The following OSBPL8 variants were observed in gnomAD, a reference collection of about 807,000 sequenced individuals.
OSBPL8 encodes the protein oxysterol-binding protein-related protein 8.
Under a neutral mutation model 125.5 loss-of-function variants are expected in OSBPL8, and 59 were observed. The observed-to-expected ratio is 0.47, with a 90% CI of 0.38 to 0.58. The LOEUF is 0.58. Ranked by LOEUF, OSBPL8 falls within the 20% of genes least tolerant of loss-of-function variation. OSBPL8 has a pLI of 0.00. For synonymous variants in OSBPL8, 330 were observed against 338.9 expected (o/e 0.97, Z 0.29); for missense variants, 758 against 1,047.8 (o/e 0.72, Z 3.82).
At chr12:76,362,896 C>T in intron 21 of OSBPL8, among the ~76,000 whole-genome samples, 1 of 152,104 alleles carries the variant, frequency 6.6e-6, no homozygotes, top group East Asian at 1.9e-4. Flanking sequence ...CAATAATAGA[C>T]AGAGAGCCAA....
At chr12:76,454,683 C>T (rs1423742082) in intron 3 of OSBPL8, among the ~76,000 whole-genome samples, 2 of 149,940 alleles carry the variant, frequency 1.3e-5, no homozygotes, top group Non-Finnish European at 3.0e-5. Context: ...AACACCAATG[C>T]ACCCTAGTGT....
intron 4 of OSBPL8, among the ~76,000 whole-genome samples, chr12:76,421,292 G>A (rs989017357): frequency 4.0e-5 from 6 of 151,846 alleles, no homozygotes; most frequent in Non-Finnish European, 8.8e-5. Context: ...AATGACAAAC[G>A]ACTAAAATTT....
chr12:76,496,861 T>C (rs953353538), intron 1 of OSBPL8, among the ~76,000 whole-genome samples: 5 of 152,202 alleles, frequency 3.3e-5, no homozygotes, highest in Middle Eastern at 3.4e-3. Context: ...ATTTTTAACT[T>C]GTGTAGAGAT....
chr12:76,484,667 T>C (rs1220459516), intron 2 of OSBPL8, among the ~76,000 whole-genome samples: 1 of 152,176 alleles, frequency 6.6e-6, no homozygotes. Flanking sequence ...TTTTAACATG[T>C]AGCTAAATGT....
intron 2 of OSBPL8, among the ~76,000 whole-genome samples, chr12:76,461,520 G>A (rs999903407): frequency 2.6e-5 from 4 of 151,366 alleles, no homozygotes; most frequent in African/African-American, 2.4e-5. Context: ...GTGTGATCTC[G>A]GCTCACTGCA....
At chr12:76,368,532 C>T (rs1333326157) in intron 21 of OSBPL8, among the ~76,000 whole-genome samples, 1 of 152,076 alleles carries the variant, frequency 6.6e-6, no homozygotes, top group Non-Finnish European at 1.5e-5. Context: ...GCAATGATAA[C>T]CCACTTGATG....
At chr12:76,501,387 G>T (rs1279595505) in intron 1 of OSBPL8, among the ~76,000 whole-genome samples, 1 of 152,150 alleles carries the variant, frequency 6.6e-6, no homozygotes, top group African/African-American at 2.4e-5. Context: ...AAAATAGAAG[G>T]GAGAGGGGAG....
chr12:76,402,390 A>T (rs964205490), intron 6 of OSBPL8, among the ~76,000 whole-genome samples: 1 of 152,222 alleles, frequency 6.6e-6, no homozygotes, highest in African/African-American at 2.4e-5. Flanking sequence ...GTTCCACAAC[A>T]TAGTGATAAT....
At chr12:76,510,367 A>C (rs1880849330) in intron 1 of OSBPL8, among the ~76,000 whole-genome samples, 1 of 152,250 alleles carries the variant, frequency 6.6e-6, no homozygotes, top group Non-Finnish European at 1.5e-5. Context: ...GCAAAACTAT[A>C]TCATCAGCAT....
At chr12:76,463,282 C>A (rs1874970744) in intron 2 of OSBPL8, among the ~76,000 whole-genome samples, 1 of 152,028 alleles carries the variant, frequency 6.6e-6, no homozygotes, top group Non-Finnish European at 1.5e-5. Context: ...ATAAAAAAGG[C>A]AGGAACAAAA....
intron 2 of OSBPL8, among the ~76,000 whole-genome samples, chr12:76,482,158 A>G (rs1427097190): frequency 6.6e-6 from 1 of 152,240 alleles, no homozygotes; most frequent in African/African-American, 2.4e-5. Flanking sequence ...CTCAACTGAG[A>G]GCATAAAAAA....
chr12:76,547,604 T>C (rs1245574643), intron 1 of OSBPL8, among the ~76,000 whole-genome samples: 1 of 152,030 alleles, frequency 6.6e-6, no homozygotes, highest in Non-Finnish European at 1.5e-5. Flanking sequence ...TATCAACTAC[T>C]GAACCAAAGT....
chr12:76,370,859 A>G (rs146514743), intron 19 of OSBPL8, among the ~76,000 whole-genome samples: 6 of 152,334 alleles, frequency 3.9e-5, no homozygotes, highest in African/African-American at 4.8e-5. Context: ...TCTCTTATAC[A>G]TAAGTCTCTT....
At position 76,389,527 on chromosome 12, in the gene OSBPL8, G is replaced by C. The variant is rs540449982; in HGVS notation, c.1352+118C>G. The C allele has an allele frequency of 3.9e-6, 3 of 773,874 alleles. No individual in the cohort carries two copies. In the East Asian group the frequency reaches 8.2e-5, roughly 21 times the overall value. The allele number at this position is 773,874 out of a possible 1,614,324, so 47.9% of individuals were successfully genotyped here. ...TCAACCACAGAAGTGGTAGAGAACA[G>C]AGAGTGATGTCTCATTAGAGCCTGA... On this transcript the variant is annotated intron_variant, in intron 12 of 23. Coordinates refer to ENST00000261183, the MANE Select transcript of OSBPL8 (RefSeq NM_020841.5).
intron 2 of OSBPL8, among the ~76,000 whole-genome samples, chr12:76,487,069 G>A (rs989110307): frequency 8.9e-5 from 11 of 123,980 alleles, no homozygotes; most frequent in South Asian, 5.0e-4. Flanking sequence ...TGACTTTGTC[G>A]CCCAGGCTGG....
At chr12:76,527,195 C>T (rs984943319) in intron 1 of OSBPL8, among the ~76,000 whole-genome samples, 4 of 151,320 alleles carry the variant, frequency 2.6e-5, no homozygotes, top group African/African-American at 9.7e-5. Flanking sequence ...ACTTTAAGGT[C>T]CATATTAGGA....
chr12:76,489,925 C>G (rs1878535954), intron 1 of OSBPL8, among the ~76,000 whole-genome samples: 1 of 152,172 alleles, frequency 6.6e-6, no homozygotes, highest in South Asian at 2.1e-4. Context: ...AGGAGGAGGT[C>G]AAAATACCAA....
At chr12:76,423,330 G>C (rs955496173) in intron 4 of OSBPL8, 4 of 152,318 alleles carry the variant, frequency 2.6e-5, no homozygotes, top group East Asian at 1.9e-4. Context: ...CATTAAGACA[G>C]TGTTAGCGCA....
At chr12:76,497,424 G>A (rs1222135392) in intron 1 of OSBPL8, among the ~76,000 whole-genome samples, 3 of 152,130 alleles carry the variant, frequency 2.0e-5, no homozygotes, top group African/African-American at 7.2e-5. Flanking sequence ...CGTGTAAATA[G>A]CACAATTGTA....
Sources: allele counts gnomAD v4.1 joint callset (sites outside exome capture counted in the v4.1 genomes callset), GRCh38; gene constraint gnomAD v4.1.1; transcripts MANE v1.5; gene names NCBI Gene and HGNC (gene_info 2026-07-23, HGNC 2026-07-21).